Variants in UCHL5 observed in about 807,000 individuals in gnomAD.
UCHL5 encodes ubiquitin carboxyl-terminal hydrolase isozyme L5.
UCHL5 carries 34 observed loss-of-function variants against 53.8 expected under a neutral mutation model. That is an observed-to-expected ratio of 0.63 (90% CI 0.48 to 0.84). The LOEUF is 0.84. Among genes scored for constraint, UCHL5 ranks in the 40% least tolerant of loss-of-function variants. The probability of loss-of-function intolerance (pLI) is 0.00; values close to 1 mark genes in which losing one functional copy is unlikely to be tolerated. For missense variants in UCHL5, 290 were observed against 385.6 expected (o/e 0.75, Z 2.08); for synonymous variants, 111 against 126.3 (o/e 0.88, Z 0.81).
intron 1 of UCHL5, among the ~76,000 whole-genome samples, chr1:193,055,835 T>A (rs951468320): frequency 6.6e-6 from 1 of 152,236 alleles, no homozygotes. Context: ...GATATAGGTC[T>A]GCAATTTTCT....
chr1:193,029,684 A>G (rs758918648), intron 3 of UCHL5, 27 bp from the exon 4 acceptor site: 178 of 1,539,472 alleles, frequency 1.2e-4, no homozygotes, highest in Non-Finnish European at 1.5e-4. Flanking sequence ...TGAAGATATC[A>G]ATGTGTTTAA....
At chr1:193,024,390 T>C (rs1458098132) in intron 7 of UCHL5, among the ~76,000 whole-genome samples, 2 of 151,470 alleles carry the variant, frequency 1.3e-5, no homozygotes, top group Non-Finnish European at 2.9e-5. Context: ...TTCATCAATT[T>C]CCCTACCTTT....
chr1:193,059,394 A>G (rs1242789430), upstream of UCHL5: 1 of 1,609,434 alleles, frequency 6.2e-7, no homozygotes, highest in East Asian at 2.2e-5. This position sits in a 1 kb window ranked among gnomAD's most constrained non-coding sequence, Gnocchi z 4.9. Context: ...ACTTCCCGAC[A>G]GCCTCCGGGC....
chr1:193,035,562 A>G (rs570471375), intron 3 of UCHL5, among the ~76,000 whole-genome samples: 5 of 152,158 alleles, frequency 3.3e-5, no homozygotes, highest in Non-Finnish European at 7.4e-5. Context: ...AGAAGTGGCC[A>G]CAACGAGACT....
intron 3 of UCHL5, among the ~76,000 whole-genome samples, chr1:193,030,470 C>T (rs1424829737): frequency 6.6e-6 from 1 of 152,178 alleles, no homozygotes; most frequent in Non-Finnish European, 1.5e-5. Flanking sequence ...TCTGTACATA[C>T]ACGTGGTCTC....
intron 3 of UCHL5, among the ~76,000 whole-genome samples, chr1:193,031,114 G>C (rs1661212715): frequency 6.6e-6 from 1 of 152,066 alleles, no homozygotes; most frequent in Non-Finnish European, 1.5e-5. Flanking sequence ...TAGTAAATTT[G>C]GATGCAAACT....
At position 193,012,409 on chromosome 1, in the gene UCHL5, T is replaced by C. The variant is rs191145462; in HGVS notation, c.*3942A>G. ...ATCTTTTATTCAACCCATTTTCATA[T>C]TGACACTCCAACATTAATAAACCAT... is the stretch of plus-strand genomic sequence containing the variant. On this transcript the variant is annotated 3_prime_UTR_variant, in exon 11 of 11. Transcript: ENST00000367454. 1.3e-5 allele frequency: 2 copies of C among 152,358 alleles called. No homozygotes were observed. The highest frequency in any genetic ancestry group is 2.9e-5 in the Non-Finnish European group (2 of 68,030). 9.4% of individuals were successfully genotyped at this position (152,358 alleles called of 1,614,324 possible).
intron 3 of UCHL5, among the ~76,000 whole-genome samples, chr1:193,047,211 T>C (rs1667606052): frequency 6.6e-6 from 1 of 152,186 alleles, no homozygotes; most frequent in Non-Finnish European, 1.5e-5. Flanking sequence ...TTAACCATTA[T>C]ATATGTAGTA....
chr1:193,059,695 G>C (rs1398101519), upstream of UCHL5: 1 of 1,358,372 alleles, frequency 7.4e-7, no homozygotes, highest in South Asian at 1.2e-5. This position sits in a 1 kb window ranked among gnomAD's most constrained non-coding sequence, Gnocchi z 4.9. Context: ...CCGTCAGGCT[G>C]CCTTCTTTTG....
chr1:193,014,901 A>C lies in UCHL5; in HGVS notation c.*1450T>G, dbSNP rs1654675833. 1 of 152,124 alleles carries C rather than the reference A, an allele frequency of 6.6e-6. No individual in the cohort carries two copies. 9.4% of individuals were successfully genotyped at this position (152,124 alleles called of 1,614,324 possible). Reference sequence around the variant, plus strand: ...TAACAAAATTTAAGCCTCAATAGGAAAGAATATATAAATTAAGCTGAAATA... The same window carrying C: ...TAACAAAATTTAAGCCTCAATAGGACAGAATATATAAATTAAGCTGAAATA... On this transcript the variant is annotated 3_prime_UTR_variant, in exon 11 of 11. Transcript: ENST00000367454.
intron 3 of UCHL5, among the ~76,000 whole-genome samples, chr1:193,049,240 C>T (rs536571760): frequency 1.4e-3 from 211 of 152,186 alleles, no homozygotes; most frequent in African/African-American, 5.0e-3. Context: ...CATGGTGAAA[C>T]CCCATCTCTA....
chr1:193,018,615 T>C, intron 10 of UCHL5: 1 of 1,248,714 alleles, frequency 8.0e-7, no homozygotes, highest in Non-Finnish European at 1.0e-6. Context: ...CGAGGGAGAA[T>C]CACTTTTTAT....
chr1:193,041,107 T>C (rs1391006745), intron 3 of UCHL5, among the ~76,000 whole-genome samples: 1 of 152,190 alleles, frequency 6.6e-6, no homozygotes, highest in East Asian at 1.9e-4. Context: ...TACAATAATC[T>C]ATCATATATT....
At chr1:193,043,156 A>T (rs945849199) in intron 3 of UCHL5, among the ~76,000 whole-genome samples, 32 of 129,854 alleles carry the variant, frequency 2.5e-4, no homozygotes, top group African/African-American at 4.6e-4. Flanking sequence ...AATATTAAAA[A>T]AAAAAAAAAA....
rs200951342 is a variant in UCHL5 at position 193,043,151 on chromosome 1, TAAAAAA to T, written c.246+6589_246+6594del. 2.4e-3 allele frequency among the ~76,000 whole-genome samples: 86 copies of T among 36,376 alleles called. 2 individuals carry two copies. Among genetic ancestry groups the T allele is most frequent in the East Asian group, 5.3e-3 (7 of 1,312 alleles). The allele number at this position is 36,376 out of a possible 152,430, so 23.9% of individuals were successfully genotyped here. On this transcript the variant is annotated intron_variant, in intron 3 of 10. Transcript: ENST00000367454. Reference sequence around the variant, plus strand: ...TGGAGCCTTGACAGCTCTTGAATATTAAAAAAAAAAAAAAAAAAAAAAAAACCACCT... The same window carrying T: ...TGGAGCCTTGACAGCTCTTGAATATTAAAAAAAAAAAAAAAAAAACCACCT...
intron 3 of UCHL5, among the ~76,000 whole-genome samples, chr1:193,043,169 A>AAAAAAAAAAAAAAAAC (rs1558122949): frequency 2.0e-5 from 3 of 147,712 alleles, no homozygotes; most frequent in Non-Finnish European, 3.0e-5. Context: ...AAAAAAAAAA[A>AAAAAAAAAAAAAAAAC]AAAAAAACCA....
chr1:193,038,241 G>C (rs1429860235), intron 3 of UCHL5, among the ~76,000 whole-genome samples: 2 of 152,072 alleles, frequency 1.3e-5, no homozygotes, highest in African/African-American at 4.8e-5. Context: ...CAGATTACGA[G>C]GTCAGGAGAT....
chr1:193,043,170 A>AAAAAAAAC lies in UCHL5; in HGVS notation c.246+6575_246+6576insGTTTTTTT, dbSNP rs1666250331. Among the ~76,000 whole-genome samples the AAAAAAAAC allele has an allele frequency of 1.3e-5, 2 of 148,958 alleles. 1 individual carries two copies. Among genetic ancestry groups the AAAAAAAAC allele is most frequent in the Non-Finnish European group, 3.0e-5 (2 of 67,162 alleles). On this transcript the variant is annotated intron_variant, in intron 3 of 10. Coordinates refer to ENST00000367454, the MANE Select transcript of UCHL5 (RefSeq NM_001199261.3). ...GAATATTAAAAAAAAAAAAAAAAAA[A>AAAAAAAAC]AAAAAACCACCTATTTCTTATAAAC...
chr1:193,026,136 A>AC (rs1219939386), intron 7 of UCHL5, among the ~76,000 whole-genome samples: 1 of 152,100 alleles, frequency 6.6e-6, no homozygotes, highest in Non-Finnish European at 1.5e-5. Flanking sequence ...CATACCATAT[A>AC]CAAAAATTAA....
Sources: gnomAD v4.1 joint callset for allele counts (sites outside exome capture counted in the v4.1 genomes callset) on GRCh38, gnomAD v4.1.1 for gene constraint, Gnocchi (gnomAD v3.1) non-coding constraint, MANE v1.5 for transcripts, NCBI Gene and HGNC (gene_info 2026-07-23, HGNC 2026-07-21) for gene names.